The following STK3 variants were observed in gnomAD, a reference collection of about 807,000 sequenced individuals.
STK3 encodes the protein serine/threonine-protein kinase 3.
A neutral mutation model predicts 58.0 loss-of-function variants in STK3; 41 were observed. The ratio of observed to expected loss-of-function variants is 0.71; its 90% CI spans 0.55 to 0.92. The LOEUF (loss-of-function observed/expected upper bound fraction) is 0.92. STK3 is among the 40% of genes least tolerant of loss of function. STK3 has a pLI of 0.00. For synonymous variants in STK3, 170 were observed against 191.0 expected, an observed-to-expected ratio of 0.89 and a Z score of 0.91; for missense variants, 479 against 602.7, an observed-to-expected ratio of 0.79 and a Z score of 2.15.
At chr8:98,498,658 A>G (rs745573563) in intron 10 of STK3, among the ~76,000 whole-genome samples, 25 of 152,236 alleles carry the variant, frequency 1.6e-4, no homozygotes, top group South Asian at 4.1e-4. Flanking sequence ...GTAAATTATA[A>G]GTCCTCATCT....
chr8:98,941,147 G>A (rs1840408129), intron 1 of STK3, among the ~76,000 whole-genome samples: 1 of 152,228 alleles, frequency 6.6e-6, no homozygotes, highest in Non-Finnish European at 1.5e-5. Context: ...CCTTCCCGCC[G>A]GCTGCGGACT....
chr8:98,887,755 G>A (rs1024170178), intron 1 of STK3, among the ~76,000 whole-genome samples: 3 of 152,166 alleles, frequency 2.0e-5, no homozygotes, highest in African/African-American at 4.8e-5. Flanking sequence ...TAGTAGAGAT[G>A]ACCCCAGAGC....
intron 6 of STK3, among the ~76,000 whole-genome samples, chr8:98,686,650 A>G (rs1824019636): frequency 1.3e-5 from 2 of 152,202 alleles, no homozygotes; most frequent in Admixed American, 1.3e-4. Context: ...ACTCAACAAG[A>G]TCCAAGAGAA....
chr8:98,367,129 A>G (rs1171202356), downstream of STK3, among the ~76,000 whole-genome samples: 1 of 152,224 alleles, frequency 6.6e-6, no homozygotes, highest in South Asian at 2.1e-4. Context: ...GGGGATATTC[A>G]TCCCTCCCTC....
chr8:98,668,021 C>T (rs937747576), intron 6 of STK3, among the ~76,000 whole-genome samples: 1 of 151,978 alleles, frequency 6.6e-6, no homozygotes, highest in African/African-American at 2.4e-5. Flanking sequence ...TTGTTTAATA[C>T]AGTTTCAGTG....
intron 8 of STK3, among the ~76,000 whole-genome samples, chr8:98,566,539 G>A (rs1030156957): frequency 1.3e-5 from 2 of 151,984 alleles, no homozygotes; most frequent in Admixed American, 6.6e-5. Flanking sequence ...ATGTAGCAGC[G>A]AATTTCAGTT....
At chr8:98,643,736 C>T (rs1418530179) in intron 6 of STK3, among the ~76,000 whole-genome samples, 4 of 152,160 alleles carry the variant, frequency 2.6e-5, no homozygotes, top group Non-Finnish European at 5.9e-5. Flanking sequence ...TGTGACCAGG[C>T]ACAGTGGCTC....
rs113619012 is a variant in STK3, at chr8:98,918,138, T to C, written c.-79+24240A>G. On this transcript the variant is annotated intron_variant, in intron 1 of 1. Transcript: ENST00000519420. ...ATCAATGTTTGTTCCCTCCCCCTTT[T>C]TCTGTGAAGACTAAAATGTCTGCCT... Among the ~76,000 whole-genome samples the C allele has an allele frequency of 4.8e-3, 732 of 152,308 alleles. 5 individuals are homozygous for C. Among genetic ancestry groups the C allele is most frequent in the Non-Finnish European group, 7.4e-3 (504 of 68,026 alleles).
the STK3 span, among the ~76,000 whole-genome samples, chr8:98,344,737 C>CA: frequency 6.6e-6 from 1 of 150,928 alleles, no homozygotes; most frequent in African/African-American, 2.4e-5. Flanking sequence ...ACTAAAAATA[C>CA]AAAAAATTAG....
chr8:98,511,374 AG>A (rs1824505221), intron 10 of STK3, among the ~76,000 whole-genome samples: 1 of 152,032 alleles, frequency 6.6e-6, no homozygotes, highest in Admixed American at 6.6e-5. Context: ...GCATCTATTA[AG>A]GATTAAAAAT....
chr8:98,784,317 A>G (rs1422327100), intron 1 of STK3, among the ~76,000 whole-genome samples: 3 of 152,230 alleles, frequency 2.0e-5, no homozygotes, highest in Non-Finnish European at 4.4e-5. Flanking sequence ...GTGCCTCAGC[A>G]GTAGGTGCTG....
intron 6 of STK3, among the ~76,000 whole-genome samples, chr8:98,693,705 T>C (rs1824596827): frequency 6.6e-6 from 1 of 152,114 alleles, no homozygotes; most frequent in South Asian, 2.1e-4. Context: ...CAGGTGCACA[T>C]ACACTAAGAC....
At chr8:98,417,236 C>T (rs868683807) in intron 3 of STK3, among the ~76,000 whole-genome samples, 1 of 152,094 alleles carries the variant, frequency 6.6e-6, no homozygotes, top group South Asian at 2.1e-4. Context: ...TAGTTTTGGC[C>T]GGGTGCGGTG....
At chr8:98,587,859 T>C (rs1267364855) in intron 7 of STK3, among the ~76,000 whole-genome samples, 4 of 152,118 alleles carry the variant, frequency 2.6e-5, no homozygotes, top group African/African-American at 7.2e-5. Flanking sequence ...GTAATGGCCT[T>C]CTTTGTCTCT....
chr8:98,794,024 G>C (rs949712585), intron 1 of STK3, among the ~76,000 whole-genome samples: 1 of 151,762 alleles, frequency 6.6e-6, no homozygotes, highest in African/African-American at 2.4e-5. Flanking sequence ...AAAATCTCTG[G>C]GAAGCAGCAA....
chr8:98,801,503 C>A (rs1000196563), intron 1 of STK3, among the ~76,000 whole-genome samples: 1 of 152,164 alleles, frequency 6.6e-6, no homozygotes, highest in Admixed American at 6.5e-5. Flanking sequence ...TGCAGCTTCA[C>A]TCCTGAGGCC....
At chr8:98,657,010 C>T (rs189634872) in intron 6 of STK3, among the ~76,000 whole-genome samples, 2 of 152,032 alleles carry the variant, frequency 1.3e-5, no homozygotes, top group African/African-American at 4.8e-5. Flanking sequence ...TGACAAAAAA[C>T]TCCCTGCCTT....
intron 9 of STK3, among the ~76,000 whole-genome samples, chr8:98,527,623 T>TA (rs1313062408): frequency 4.0e-5 from 6 of 151,654 alleles, no homozygotes; most frequent in Admixed American, 1.3e-4. Context: ...CTGTTCAAAT[T>TA]AAAAAATATA....
intron 9 of STK3, among the ~76,000 whole-genome samples, chr8:98,527,326 AG>A (rs1825824429): frequency 6.6e-6 from 1 of 152,156 alleles, no homozygotes; most frequent in Non-Finnish European, 1.5e-5. Context: ...TTCAGCTGTA[AG>A]AAATTATGAG....
Sources: gnomAD v4.1 joint callset for allele counts (sites outside exome capture counted in the v4.1 genomes callset) on GRCh38, gnomAD v4.1.1 for gene constraint, MANE v1.5 for transcripts, NCBI Gene and HGNC (gene_info 2026-07-23, HGNC 2026-07-21) for gene names.